The following SNTG2 variants were observed in gnomAD, a reference collection of about 807,000 sequenced individuals.
SNTG2 encodes the protein gamma-2-syntrophin.
A neutral mutation model predicts 70.9 loss-of-function variants in SNTG2; 74 were observed. That is an observed-to-expected ratio of 1.04 (90% CI 0.86 to 1.27). SNTG2 has a LOEUF of 1.27. Among genes scored for constraint, SNTG2 ranks in the 50% most tolerant of loss-of-function variants. The pLI is 0.00. For missense variants in SNTG2, 717 were observed against 690.7 expected (o/e 1.04, Z -0.43); for synonymous variants, 278 against 273.8 (o/e 1.02, Z -0.15).
At chr2:1,032,704 T>TA (rs1376225343) in intron 1 of SNTG2, among the ~76,000 whole-genome samples, 1 of 152,152 alleles carries the variant, frequency 6.6e-6, no homozygotes, top group African/African-American at 2.4e-5. Flanking sequence ...CAAATGCTCT[T>TA]AAACAGTTTG....
At chr2:962,855 A>G (rs77383526) in intron 1 of SNTG2, among the ~76,000 whole-genome samples, 1 of 152,314 alleles carries the variant, frequency 6.6e-6, no homozygotes, top group East Asian at 1.9e-4. Flanking sequence ...AGTTCATTAA[A>G]ACAGAAGATA....
chr2:981,079 A>G, intron 1 of SNTG2, among the ~76,000 whole-genome samples: 1 of 152,108 alleles, frequency 6.6e-6, no homozygotes, highest in Non-Finnish European at 1.5e-5. Flanking sequence ...TGAAATATGA[A>G]CCACCCTCCA....
At chr2:1,117,299 A>G (rs1006124461) in intron 4 of SNTG2, among the ~76,000 whole-genome samples, 1 of 152,198 alleles carries the variant, frequency 6.6e-6, no homozygotes, top group African/African-American at 2.4e-5. Context: ...ATGGCAGAAC[A>G]TAAACCATAG....
intron 11 of SNTG2, among the ~76,000 whole-genome samples, chr2:1,241,703 T>C (rs1229248499): frequency 6.6e-6 from 1 of 152,154 alleles, no homozygotes; most frequent in Non-Finnish European, 1.5e-5. Flanking sequence ...TAAAAACCTG[T>C]AGGGAGCACA....
chr2:1,114,343 C>A (rs1002778501), intron 4 of SNTG2, among the ~76,000 whole-genome samples: 1 of 151,546 alleles, frequency 6.6e-6, no homozygotes, highest in Non-Finnish European at 1.5e-5. Context: ...TCAACACTTA[C>A]AGTCCTTTGA....
intron 4 of SNTG2, among the ~76,000 whole-genome samples, chr2:1,119,552 G>GT (rs754786251): frequency 0.11 from 14,894 of 140,374 alleles, 885 homozygotes; most frequent in African/African-American, 0.16. Context: ...TTAAAGGCTC[G>GT]TTTTTTTTTT....
intron 1 of SNTG2, among the ~76,000 whole-genome samples, chr2:1,017,763 C>T (rs942418024): frequency 6.6e-6 from 1 of 152,170 alleles, no homozygotes; most frequent in East Asian, 1.9e-4. Flanking sequence ...CATTGCTAGA[C>T]AGCTCTGTGA....
chr2:1,315,113 C>T (rs1681211149), intron 15 of SNTG2, among the ~76,000 whole-genome samples: 2 of 152,138 alleles, frequency 1.3e-5, no homozygotes, highest in African/African-American at 4.8e-5. Context: ...AAAGTCTGTC[C>T]AGGTGGGTGT....
intron 1 of SNTG2, among the ~76,000 whole-genome samples, chr2:991,200 G>A (rs1395480853): frequency 6.6e-6 from 1 of 151,950 alleles, no homozygotes; most frequent in African/African-American, 2.4e-5. Flanking sequence ...ATAACTGCAG[G>A]GATTATAGCT....
At chr2:1,259,198 A>C (rs1212448796) in intron 12 of SNTG2, among the ~76,000 whole-genome samples, 172 bp from the exon 13 acceptor site, 1 of 152,226 alleles carries the variant, frequency 6.6e-6, no homozygotes, top group Non-Finnish European at 1.5e-5. Flanking sequence ...AGGATGTGGC[A>C]ACTCATCAAA....
chr2:1,062,957 C>T (rs1662919691), intron 1 of SNTG2, among the ~76,000 whole-genome samples: 1 of 152,128 alleles, frequency 6.6e-6, no homozygotes, highest in South Asian at 2.1e-4. Flanking sequence ...TGTTTCTTTG[C>T]TTAGTAAAAG....
intron 1 of SNTG2, among the ~76,000 whole-genome samples, chr2:951,793 A>T (rs1417629186): frequency 6.6e-6 from 1 of 152,178 alleles, no homozygotes; most frequent in Non-Finnish European, 1.5e-5. Context: ...TTAAGGGAGC[A>T]CGTGGCCACC....
At chr2:1,110,969 A>G (rs995673418) in intron 4 of SNTG2, among the ~76,000 whole-genome samples, 3 of 152,170 alleles carry the variant, frequency 2.0e-5, no homozygotes, top group Non-Finnish European at 4.4e-5. Flanking sequence ...GTGGAATTCA[A>G]TTTGTAACTT....
chr2:1,250,516 C>T (rs1677691418), intron 12 of SNTG2, among the ~76,000 whole-genome samples: 2 of 152,226 alleles, frequency 1.3e-5, no homozygotes, highest in Middle Eastern at 3.4e-3. Flanking sequence ...CTGTCTCTTT[C>T]TGTCGTCTCC....
chr2:1,234,253 T>G (rs1676460680), intron 9 of SNTG2, among the ~76,000 whole-genome samples: 1 of 152,210 alleles, frequency 6.6e-6, no homozygotes, highest in Non-Finnish European at 1.5e-5. Flanking sequence ...TTACACTAGT[T>G]ACCCGGCTTC....
At chr2:1,270,281 C>A (rs1678952346) in intron 14 of SNTG2, among the ~76,000 whole-genome samples, 1 of 152,142 alleles carries the variant, frequency 6.6e-6, no homozygotes, top group Non-Finnish European at 1.5e-5. Context: ...GAAAATACTT[C>A]TCCAAAACTC....
intron 1 of SNTG2, among the ~76,000 whole-genome samples, chr2:963,000 A>T (rs1269595990): frequency 6.6e-6 from 1 of 152,164 alleles, no homozygotes; most frequent in African/African-American, 2.4e-5. Flanking sequence ...TGGCGTGGTA[A>T]CATGATTTCT....
At chr2:960,845 G>T (rs192738629) in intron 1 of SNTG2, among the ~76,000 whole-genome samples, 2 of 151,648 alleles carry the variant, frequency 1.3e-5, no homozygotes, top group Non-Finnish European at 2.9e-5. Context: ...GGGTTCCCGG[G>T]CATGGCTGTT....
At chr2:1,174,474 ATGTT>A (rs1480657750) in intron 8 of SNTG2, among the ~76,000 whole-genome samples, 2 of 151,896 alleles carry the variant, frequency 1.3e-5, no homozygotes, top group Non-Finnish European at 1.5e-5. Flanking sequence ...CCTTTGTTTT[ATGTT>A]TGTTTTTCTA....
Sources: gnomAD v4.1 joint callset for allele counts (sites outside exome capture counted in the v4.1 genomes callset) on GRCh38, gnomAD v4.1.1 for gene constraint, MANE v1.5 for transcripts, NCBI Gene and HGNC (gene_info 2026-07-23, HGNC 2026-07-21) for gene names.